NUCB2: variants seen among roughly 807,000 people sequenced by gnomAD.
The protein encoded by NUCB2 is nucleobindin 2.
NUCB2 carries 48 observed loss-of-function variants against 57.9 expected under a neutral mutation model. The observed-to-expected ratio is 0.83, with a 90% CI of 0.66 to 1.05. The LOEUF (loss-of-function observed/expected upper bound fraction) is 1.05. Ranked by LOEUF, NUCB2 falls within the 50% of genes least tolerant of loss-of-function variation. The pLI is 0.00. For missense variants in NUCB2, 442 were observed against 476.2 expected (o/e 0.93, Z 0.67); for synonymous variants, 139 against 152.1 (o/e 0.91, Z 0.64).
At chr11:17,344,145 G>A (rs1952524854) in intron 2 of NUCB2, among the ~76,000 whole-genome samples, 1 of 152,050 alleles carries the variant, frequency 6.6e-6, no homozygotes, top group African/African-American at 2.4e-5. Flanking sequence ...CAGCATCTGG[G>A]GCAAATACGT....
chr11:17,341,870 G>A (rs984004750), intron 2 of NUCB2, among the ~76,000 whole-genome samples: 10 of 152,152 alleles, frequency 6.6e-5, no homozygotes, highest in African/African-American at 2.2e-4. Context: ...TCTATTGATT[G>A]GAATAGTTTC....
intron 5 of NUCB2, among the ~76,000 whole-genome samples, chr11:17,304,484 G>A (rs755664586): frequency 2.6e-5 from 4 of 152,082 alleles, no homozygotes; most frequent in African/African-American, 4.8e-5. Context: ...ATTAGCCACC[G>A]TGCCTGATCT....
intron 5 of NUCB2, among the ~76,000 whole-genome samples, chr11:17,305,785 C>A (rs1947531335): frequency 6.6e-6 from 1 of 151,858 alleles, no homozygotes; most frequent in Non-Finnish European, 1.5e-5. Flanking sequence ...CCATGCCTGG[C>A]TAATTTTCTT....
downstream of NUCB2, among the ~76,000 whole-genome samples, chr11:17,335,196 T>C (rs1449269463): frequency 5.9e-5 from 9 of 151,642 alleles, no homozygotes; most frequent in Non-Finnish European, 1.5e-5. Flanking sequence ...ATAAGCAATA[T>C]GGAAAAATGG....
chr11:17,308,537 A>G (rs1948029555), intron 5 of NUCB2, among the ~76,000 whole-genome samples: 1 of 152,042 alleles, frequency 6.6e-6, no homozygotes, highest in African/African-American at 2.4e-5. Context: ...TTCTTCCTAA[A>G]TGAGAGCTGA....
chr11:17,297,866 G>T (rs747039816), intron 4 of NUCB2, among the ~76,000 whole-genome samples: 1 of 151,998 alleles, frequency 6.6e-6, no homozygotes, highest in Non-Finnish European at 1.5e-5. Context: ...GGTGGATCAT[G>T]AGGTCAGGAG....
intron 5 of NUCB2, 126 bp downstream of exon 5, chr11:17,301,996 C>A: frequency 2.9e-6 from 2 of 678,670 alleles, no homozygotes; most frequent in Non-Finnish European, 4.8e-6. Flanking sequence ...ACCACCTGGG[C>A]TCAAGTGATC....
chr11:17,303,360 T>C (rs936239486), intron 5 of NUCB2, among the ~76,000 whole-genome samples: 8 of 152,146 alleles, frequency 5.3e-5, no homozygotes, highest in Admixed American at 2.0e-4. Context: ...GTTGGATTTA[T>C]TTCAGGAATA....
At chr11:17,341,726 T>C (rs1021258187) in intron 2 of NUCB2, among the ~76,000 whole-genome samples, 5 of 152,234 alleles carry the variant, frequency 3.3e-5, no homozygotes, top group African/African-American at 1.2e-4. Context: ...GCCAGTATTT[T>C]ATTGAGGATT....
chr11:17,288,244 G>T (rs1462509569), intron 2 of NUCB2, among the ~76,000 whole-genome samples: 2 of 152,138 alleles, frequency 1.3e-5, no homozygotes, highest in African/African-American at 4.8e-5. Flanking sequence ...GCAAACATAA[G>T]ATAGAATTGT....
downstream of NUCB2, among the ~76,000 whole-genome samples, chr11:17,336,978 T>G (rs1485883858): frequency 1.3e-5 from 2 of 152,044 alleles, no homozygotes; most frequent in Non-Finnish European, 2.9e-5. Flanking sequence ...TCTCTCTCTG[T>G]CATCCAGGCT....
intron 2 of NUCB2, among the ~76,000 whole-genome samples, chr11:17,290,676 G>T (rs554087080): frequency 1.3e-5 from 2 of 152,058 alleles, no homozygotes; most frequent in Non-Finnish European, 2.9e-5. Context: ...AAAATTAACA[G>T]AATTATAAGG....
intron 1 of NUCB2, among the ~76,000 whole-genome samples, 172 bp from the exon 2 acceptor site, chr11:17,282,616 CT>C (rs747773542): frequency 5.5e-4 from 84 of 152,188 alleles, no homozygotes; most frequent in Non-Finnish European, 9.7e-4. Flanking sequence ...TCTTTCTCCC[CT>C]CCTTAATGGA....
intron 2 of NUCB2, among the ~76,000 whole-genome samples, chr11:17,283,743 A>G (rs886684563): frequency 3.3e-5 from 5 of 152,350 alleles, no homozygotes; most frequent in African/African-American, 9.6e-5. Flanking sequence ...GCTACTTGCT[A>G]TAATCAAGGC....
intron 2 of NUCB2, among the ~76,000 whole-genome samples, chr11:17,340,411 T>C (rs1952160705): frequency 6.6e-6 from 1 of 152,264 alleles, no homozygotes; most frequent in Admixed American, 6.5e-5. Context: ...GTTTTAGACA[T>C]GAGGTCCTTG....
intron 11 of NUCB2, among the ~76,000 whole-genome samples, chr11:17,320,820 T>C (rs1286618397): frequency 6.6e-6 from 1 of 152,240 alleles, no homozygotes; most frequent in Non-Finnish European, 1.5e-5. Flanking sequence ...TGTTTTTCTA[T>C]TCAAGCTTTA....
At chr11:17,342,696 G>T (rs1404179346) in intron 2 of NUCB2, among the ~76,000 whole-genome samples, 4 of 149,412 alleles carry the variant, frequency 2.7e-5, no homozygotes. Context: ...TATAATTTCT[G>T]TTCTTTTACA....
Position 17,331,396 on chromosome 11 carries a change from T to C in NUCB2, c.1256-16T>C. On this transcript the variant is annotated splice_polypyrimidine_tract_variant and intron_variant, in intron 13 of 13. Transcript: ENST00000529010. ...AGATACTTTTAAAATAAGAACTTTTTTCTTTTTTCCAACAGACATTTAAAG... is the reference window on the plus strand; with the variant it reads ...AGATACTTTTAAAATAAGAACTTTTCTCTTTTTTCCAACAGACATTTAAAG... 5 of 1,426,376 alleles carry C rather than the reference T, an allele frequency of 3.5e-6. No individual in the cohort carries two copies. The highest frequency in any genetic ancestry group is 4.7e-6 in the Non-Finnish European group (5 of 1,075,026). The allele number at this position is 1,426,376 out of a possible 1,614,324, so 88.4% of individuals were successfully genotyped here.
Position 17,303,506 on chromosome 11 carries a change from A to C in NUCB2, c.379+1636A>C, listed in dbSNP as rs77654982. On this transcript the variant is annotated intron_variant, in intron 5 of 13. Transcript: ENST00000529010. ...AAAGGACAAATGATAAATTGGAATA[A>C]ATATTAGAATCCTTATTCTTTTAAT... Among the ~76,000 whole-genome samples, 1,481 of 152,356 alleles carry C rather than the reference A, an allele frequency of 9.7e-3. 26 individuals carry two copies. The highest frequency in any genetic ancestry group is 0.034 in the African/African-American group (1,397 of 41,586).
Sources: allele counts gnomAD v4.1 joint callset (sites outside exome capture counted in the v4.1 genomes callset), GRCh38; gene constraint gnomAD v4.1.1; transcripts MANE v1.5; gene names NCBI Gene and HGNC (gene_info 2026-07-23, HGNC 2026-07-21).